Variants in ZNF423 observed in about 807,000 individuals in gnomAD.
ZNF423 encodes the protein zinc finger protein 423, also known as Ebf-associated zinc finger protein.
ZNF423 carries 12 observed loss-of-function variants against 95.8 expected under a neutral mutation model. The ratio of observed to expected loss-of-function variants is 0.13; its 90% CI spans 0.08 to 0.20. ZNF423 has a LOEUF of 0.20. Among genes scored for constraint, ZNF423 ranks in the 10% least tolerant of loss-of-function variants. The pLI, the probability that ZNF423 is intolerant of heterozygous loss-of-function variation, is 1.00. For missense variants in ZNF423, 1,316 were observed against 1,737.1 expected (o/e 0.76, Z 4.31); for synonymous variants, 749 against 711.9 (o/e 1.05, Z -0.83).
intron 7 of ZNF423, among the ~76,000 whole-genome samples, chr16:49,511,838 T>A (rs576590462): frequency 6.6e-6 from 1 of 152,242 alleles, no homozygotes; most frequent in Admixed American, 6.5e-5. Context: ...TGACAGTAAA[T>A]AAACCAAGGC....
Position 49,525,557 on chromosome 16 carries a change from C to T in ZNF423, c.3602-63G>A, listed in dbSNP as rs577715675. 28 of 1,603,044 alleles carry T rather than the reference C, an allele frequency of 1.7e-5. No individual in the cohort carries two copies. In the African/African-American group the frequency reaches 3.2e-4, roughly 18 times the overall value. ...GCCATGTCCCCCAGACAGGTGCTCA[C>T]AAGGCCTCCCATAGACCCCAGCACT... On this transcript the variant is annotated intron_variant, in intron 5 of 7. Transcript: ENST00000563137.
At chr16:49,580,183 G>A (rs1970626666) in intron 5 of ZNF423, among the ~76,000 whole-genome samples, 1 of 152,104 alleles carries the variant, frequency 6.6e-6, no homozygotes, top group Non-Finnish European at 1.5e-5. Context: ...CCACATCCTG[G>A]AAGGCCCAAT....
rs770514479 is a variant in ZNF423, at chr16:49,492,237, CTCA to C, written c.3850-936_3850-934del. Among the ~76,000 whole-genome samples, 3 of 152,334 alleles carry C rather than the reference CTCA, an allele frequency of 2.0e-5. No homozygotes were observed. The highest frequency in any genetic ancestry group is 4.1e-4 in the South Asian group (2 of 4,832). ...ATCAAAGCCTCAGGTGGTGCTCCACCTCATGACACCTGGAGAAAGGAGGCAACA... is the reference window on the plus strand; with the variant it reads ...ATCAAAGCCTCAGGTGGTGCTCCACCTGACACCTGGAGAAAGGAGGCAACA... On this transcript the variant is annotated intron_variant, in intron 7 of 7. Transcript: ENST00000563137. This position sits in a 1 kb window ranked among gnomAD's most constrained non-coding sequence, Gnocchi z 4.2.
chr16:49,809,714 G>A (rs1360154111), intron 1 of ZNF423, among the ~76,000 whole-genome samples: 1 of 152,234 alleles, frequency 6.6e-6, no homozygotes, highest in African/African-American at 2.4e-5. Flanking sequence ...AGCACAGCTG[G>A]TAAAAGCATT....
At chr16:49,665,631 T>C (rs1372993627) in intron 3 of ZNF423, among the ~76,000 whole-genome samples, 1 of 152,074 alleles carries the variant, frequency 6.6e-6, no homozygotes, top group Non-Finnish European at 1.5e-5. Context: ...CCTCCGCTCC[T>C]CACTCTCAGC....
At chr16:49,500,745 A>G (rs1374909426) in intron 7 of ZNF423, among the ~76,000 whole-genome samples, 3 of 108,698 alleles carry the variant, frequency 2.8e-5, no homozygotes, top group Non-Finnish European at 6.0e-5. Context: ...CATCTCTACG[A>G]AAAAAAAAAA....
chr16:49,843,951 G>T (rs1157914557), intron 1 of ZNF423, among the ~76,000 whole-genome samples: 1 of 152,178 alleles, frequency 6.6e-6, no homozygotes, highest in Non-Finnish European at 1.5e-5. Flanking sequence ...GTAGCAGGAT[G>T]AGCGTCACAG....
chr16:49,844,992 G>T (rs772284157), intron 1 of ZNF423, among the ~76,000 whole-genome samples: 100 of 123,156 alleles, frequency 8.1e-4, no homozygotes, highest in Non-Finnish European at 1.3e-3. Flanking sequence ...CAGAGTTCGC[G>T]CCATTGCACT....
intron 5 of ZNF423, among the ~76,000 whole-genome samples, chr16:49,592,983 A>C (rs1971058138): frequency 6.6e-6 from 1 of 152,242 alleles, no homozygotes; most frequent in South Asian, 2.1e-4. Context: ...TCAGTCATCC[A>C]GGTGCAGTCA....
Position 49,850,503 on chromosome 16 carries a change from C to T in ZNF423, c.40+5232G>A, listed in dbSNP as rs141948355. ...TGTAATCAACCTAGACTCACAGATA[C>T]GAAGGAACCCTGATATCTTCTGCAA... is the stretch of plus-strand genomic sequence containing the variant. On this transcript the variant is annotated intron_variant, in intron 1 of 7. Coordinates refer to ENST00000563137, the MANE Select transcript of ZNF423 (RefSeq NM_001379286.1). 3.0e-4 allele frequency among the ~76,000 whole-genome samples: 45 copies of T among 152,298 alleles called. No homozygotes were observed. The South Asian group carries it at 5.8e-3, about 20-fold the overall frequency.
At chr16:49,687,885 C>T (rs2031625557) in intron 3 of ZNF423, among the ~76,000 whole-genome samples, 1 of 152,078 alleles carries the variant, frequency 6.6e-6, no homozygotes, top group Admixed American at 6.6e-5. Flanking sequence ...CGTCCTCCAG[C>T]AGAGAGAGCT....
At chr16:49,678,399 TCTGTATCAGGCA>T (rs1252837980) in intron 3 of ZNF423, among the ~76,000 whole-genome samples, 1 of 152,072 alleles carries the variant, frequency 6.6e-6, no homozygotes, top group Non-Finnish European at 1.5e-5. Flanking sequence ...GCGTTCGAGC[TCTGTATCAGGCA>T]TGGTTTTGGG....
chr16:49,620,657 TC>T (rs1274295584), intron 5 of ZNF423, among the ~76,000 whole-genome samples: 1 of 151,882 alleles, frequency 6.6e-6, no homozygotes, highest in Admixed American at 6.5e-5. Flanking sequence ...TCCCCGGGGC[TC>T]CCCCAAGGGG....
chr16:49,611,269 A>G (rs1423015324), intron 5 of ZNF423, among the ~76,000 whole-genome samples: 1 of 152,090 alleles, frequency 6.6e-6, no homozygotes, highest in Non-Finnish European at 1.5e-5. Flanking sequence ...AACAAATGTC[A>G]ACATATTTAA....
At chr16:49,661,589 G>A (rs2030232159) in intron 3 of ZNF423, among the ~76,000 whole-genome samples, 1 of 152,232 alleles carries the variant, frequency 6.6e-6, no homozygotes, top group African/African-American at 2.4e-5. Context: ...TGGACCAACA[G>A]TAAAAAGTGA....
chr16:49,500,655 C>T (rs1304593589), intron 7 of ZNF423, among the ~76,000 whole-genome samples: 2 of 152,062 alleles, frequency 1.3e-5, no homozygotes, highest in Non-Finnish European at 2.9e-5. Flanking sequence ...GTGGCTCATG[C>T]CCGGAATCCC....
chr16:49,492,222 C>T lies in ZNF423; in HGVS notation c.3850-918G>A, dbSNP rs1419842496. On this transcript the variant is annotated intron_variant, in intron 7 of 7. Transcript: ENST00000563137. The surrounding 1 kb of genome is among the most constrained non-coding windows in gnomAD (Gnocchi z 4.2). ...ATTCAGACCCATTTCATCAAAGCCTCAGGTGGTGCTCCACCTCATGACACC... is the reference window on the plus strand; with the variant it reads ...ATTCAGACCCATTTCATCAAAGCCTTAGGTGGTGCTCCACCTCATGACACC... 6.6e-6 allele frequency among the ~76,000 whole-genome samples: 1 copy of T among 152,206 alleles called. No individual in the cohort carries two copies. Among genetic ancestry groups the T allele is most frequent in the Non-Finnish European group, 1.5e-5 (1 of 68,026 alleles).
chr16:49,848,018 T>G (rs935029939), intron 1 of ZNF423, among the ~76,000 whole-genome samples: 10 of 152,038 alleles, frequency 6.6e-5, no homozygotes, highest in African/African-American at 2.4e-4. Flanking sequence ...GTGAGAGGAC[T>G]GCTTGAGCCC....
intron 1 of ZNF423, among the ~76,000 whole-genome samples, chr16:49,832,094 G>A (rs933558): frequency 0.17 from 26,171 of 151,978 alleles, 2,795 homozygotes; most frequent in Middle Eastern, 0.27. Context: ...CCAAATATCC[G>A]AGGGCCCTGG....
Sources: gnomAD v4.1 joint callset for allele counts (sites outside exome capture counted in the v4.1 genomes callset) on GRCh38, gnomAD v4.1.1 for gene constraint, Gnocchi (gnomAD v3.1) non-coding constraint, MANE v1.5 for transcripts, NCBI Gene and HGNC (gene_info 2026-07-23, HGNC 2026-07-21) for gene names.